The following PARN variants were observed in gnomAD, a reference collection of about 807,000 sequenced individuals.
PARN encodes poly(A)-specific ribonuclease.
Under a neutral mutation model 102.8 loss-of-function variants are expected in PARN, and 71 were observed. That is an observed-to-expected ratio of 0.69 (90% confidence interval 0.57 to 0.84). The LOEUF (loss-of-function observed/expected upper bound fraction) is 0.84, where lower values mean the gene tolerates loss of function less well. PARN is among the 40% of genes least tolerant of loss of function. The pLI is 0.00. For synonymous variants in PARN, 261 were observed against 252.9 expected, an observed-to-expected ratio of 1.03 and a Z score of -0.30; for missense variants, 782 against 760.9, an observed-to-expected ratio of 1.03 and a Z score of -0.33.
chr16:14,518,486 C>T (rs1244252850), intron 21 of PARN, among the ~76,000 whole-genome samples: 2 of 150,712 alleles, frequency 1.3e-5, no homozygotes, highest in Non-Finnish European at 3.0e-5. Context: ...CACACTATGC[C>T]ATATTACTAC....
chr16:14,601,437 G>A (rs568953824), intron 11 of PARN, among the ~76,000 whole-genome samples: 1 of 152,270 alleles, frequency 6.6e-6, no homozygotes, highest in South Asian at 2.1e-4. Context: ...GGTTGCCAGG[G>A]GCTGGGTGTC....
At chr16:14,530,955 T>TCATG (rs1315439298) in intron 21 of PARN, among the ~76,000 whole-genome samples, 1 of 151,674 alleles carries the variant, frequency 6.6e-6, no homozygotes, top group Non-Finnish European at 1.5e-5. Flanking sequence ...ATTCATTCAT[T>TCATG]CATGCATGCA....
chr16:14,495,255 G>C (rs1596512697), intron 21 of PARN, among the ~76,000 whole-genome samples: 1 of 152,142 alleles, frequency 6.6e-6, no homozygotes, highest in East Asian at 1.9e-4. Flanking sequence ...GGGAGGACAA[G>C]GCGAGAGGAT....
At chr16:14,462,113 T>A (rs1037236537) in intron 22 of PARN, among the ~76,000 whole-genome samples, 17 of 152,216 alleles carry the variant, frequency 1.1e-4, no homozygotes, top group Non-Finnish European at 5.9e-5. Flanking sequence ...AATCCATGCA[T>A]ATCAGAACCA....
intron 18 of PARN, among the ~76,000 whole-genome samples, chr16:14,561,332 G>C (rs755385183): frequency 9.9e-5 from 15 of 152,118 alleles, no homozygotes; most frequent in Non-Finnish European, 2.1e-4. Context: ...CTGGGAACTT[G>C]TTAGAGATGC....
chr16:14,531,698 T>C (rs2151670227), intron 21 of PARN, among the ~76,000 whole-genome samples: 1 of 152,126 alleles, frequency 6.6e-6, no homozygotes, highest in Middle Eastern at 3.4e-3. Flanking sequence ...CCTACACACA[T>C]GGGAAAGAGT....
intron 14 of PARN, among the ~76,000 whole-genome samples, chr16:14,586,066 A>G (rs2151756677): frequency 6.8e-6 from 1 of 147,782 alleles, no homozygotes; most frequent in African/African-American, 2.5e-5. Context: ...TGCAACCTGG[A>G]CCTCCTGGGT....
intron 9 of PARN, chr16:14,608,032 C>T (rs1971301105): frequency 4.0e-6 from 2 of 500,976 alleles, no homozygotes; most frequent in Non-Finnish European, 7.0e-6. Context: ...GACAAAAACA[C>T]TACCAATCCA....
intron 21 of PARN, chr16:14,501,432 G>A (rs1317225924): frequency 5.7e-4 from 2 of 3,526 alleles, no homozygotes; most frequent in Non-Finnish European, 7.1e-4. Context: ...AAGCAAGACT[G>A]TCCAAAAAAA....
intron 5 of PARN, among the ~76,000 whole-genome samples, chr16:14,619,375 G>A (rs1370687049): frequency 6.6e-6 from 1 of 150,778 alleles, no homozygotes; most frequent in Non-Finnish European, 1.5e-5. Flanking sequence ...TGAGGTGGTT[G>A]CATCGCTGGA....
chr16:14,456,824 T>A (rs1198653015), intron 22 of PARN, among the ~76,000 whole-genome samples: 2 of 152,186 alleles, frequency 1.3e-5, no homozygotes, highest in Non-Finnish European at 2.9e-5. Flanking sequence ...CCCCGCACCA[T>A]CCCCACGGAG....
chr16:14,449,170 C>G (rs897878387), intron 22 of PARN, among the ~76,000 whole-genome samples: 1 of 152,060 alleles, frequency 6.6e-6, no homozygotes, highest in African/African-American at 2.4e-5. Flanking sequence ...TCAGCTAGAA[C>G]CACGGGCATT....
At chr16:14,532,966 C>A (rs961112769) in intron 21 of PARN, among the ~76,000 whole-genome samples, 1 of 152,034 alleles carries the variant, frequency 6.6e-6, no homozygotes, top group African/African-American at 2.4e-5. Context: ...AGACGATGGG[C>A]GGCCAGGCAG....
chr16:14,490,793 T>C (rs1427943898), intron 21 of PARN, among the ~76,000 whole-genome samples: 1 of 152,184 alleles, frequency 6.6e-6, no homozygotes, highest in Non-Finnish European at 1.5e-5. Context: ...CAAAAGTTTT[T>C]TCATATTCCA....
rs751381953 is a variant in PARN, at chr16:14,627,189, T to C, written c.246-2A>G. 6.3e-7 allele frequency: 1 copy of C among 1,592,510 alleles called. No homozygotes were observed. Among genetic ancestry groups the C allele is most frequent in the Non-Finnish European group, 8.6e-7 (1 of 1,163,466 alleles). ...AAGTTAAATGACTTCGTTATATACC[T>C]GGGATAAGATAAAAGGAGACTTAGG... is the stretch of plus-strand genomic sequence containing the variant. On this transcript the variant is annotated splice_acceptor_variant, in intron 4 of 23. Coordinates refer to ENST00000437198, the MANE Select transcript of PARN (RefSeq NM_002582.4). LOFTEE classifies it high-confidence loss of function.
At chr16:14,538,800 T>G (rs1293209263) in intron 21 of PARN, among the ~76,000 whole-genome samples, 1 of 152,098 alleles carries the variant, frequency 6.6e-6, no homozygotes. Context: ...GCTTCATCTG[T>G]TTTTACAGCC....
intron 21 of PARN, among the ~76,000 whole-genome samples, chr16:14,514,122 C>G (rs1270437117): frequency 1.3e-5 from 2 of 152,096 alleles, no homozygotes; most frequent in African/African-American, 4.8e-5. Context: ...CTTCAGAAAA[C>G]CAGATAGCAA....
intron 21 of PARN, among the ~76,000 whole-genome samples, chr16:14,519,458 G>A (rs1157546589): frequency 2.6e-5 from 4 of 152,024 alleles, no homozygotes; most frequent in Admixed American, 6.6e-5. Flanking sequence ...ATGAGGTCTC[G>A]AAATGCCATT....
At chr16:14,526,483 ACT>A (rs1966014049) in intron 21 of PARN, among the ~76,000 whole-genome samples, 1 of 152,036 alleles carries the variant, frequency 6.6e-6, no homozygotes, top group Non-Finnish European at 1.5e-5. Context: ...GGCCTCATCC[ACT>A]GTTTTTACTC....
Sources: gnomAD v4.1 joint callset for allele counts (sites outside exome capture counted in the v4.1 genomes callset) on GRCh38, gnomAD v4.1.1 for gene constraint, MANE v1.5 for transcripts, NCBI Gene and HGNC (gene_info 2026-07-23, HGNC 2026-07-21) for gene names.